The following ADCY2 variants were observed in gnomAD, a reference collection of about 807,000 sequenced individuals.
ADCY2 encodes adenylate cyclase type 2.
ADCY2 carries 31 observed loss-of-function variants against 125.2 expected under a neutral mutation model. The observed-to-expected ratio is 0.25, with a 90% CI of 0.19 to 0.33. The LOEUF is 0.33. Among genes scored for constraint, ADCY2 ranks in the 10% least tolerant of loss-of-function variants. The pLI is 1.00. For synonymous variants in ADCY2, 512 were observed against 548.4 expected, an observed-to-expected ratio of 0.93 and a Z score of 0.93; for missense variants, 904 against 1,418.2, an observed-to-expected ratio of 0.64 and a Z score of 5.82.
rs148976152 is a variant in ADCY2, at chr5:7,767,493, TC to T, written c.2214+689del. The stretch of plus-strand genomic sequence containing the variant: ...TAGTGCAGATTATGCTCGTTTAGTT[TC>T]CGTGTCAAATAATGGGTTTTGACAA... On this transcript the variant is annotated intron_variant, in intron 17 of 24. Coordinates refer to ENST00000338316, the MANE Select transcript of ADCY2 (RefSeq NM_020546.3). Among the ~76,000 whole-genome samples, 133 of 152,316 alleles carry T rather than the reference TC, an allele frequency of 8.7e-4. 1 individual carries two copies. In the East Asian group the frequency reaches 0.021, roughly 24 times the overall value.
At chr5:7,517,552 C>A (rs966267757) in intron 2 of ADCY2, among the ~76,000 whole-genome samples, 1 of 152,168 alleles carries the variant, frequency 6.6e-6, no homozygotes, top group Admixed American at 6.5e-5. Context: ...CCCTGTCCTG[C>A]CTGCCGAACA....
intron 3 of ADCY2, among the ~76,000 whole-genome samples, chr5:7,532,309 C>A (rs1734675606): frequency 6.6e-6 from 1 of 152,200 alleles, no homozygotes; most frequent in Non-Finnish European, 1.5e-5. Flanking sequence ...ATAGGATTTT[C>A]AGTGCATACA....
At chr5:7,421,827 G>A (rs1050559160) in intron 2 of ADCY2, among the ~76,000 whole-genome samples, 4 of 152,132 alleles carry the variant, frequency 2.6e-5, no homozygotes, top group African/African-American at 9.7e-5. Context: ...TTATCAGGTT[G>A]GTGCAAAAGT....
At chr5:7,506,843 A>G (rs1482760317) in intron 2 of ADCY2, among the ~76,000 whole-genome samples, 1 of 115,572 alleles carries the variant, frequency 8.7e-6, no homozygotes, top group African/African-American at 3.4e-5. Context: ...GCTGGAGTGC[A>G]GTGGCACAAT....
chr5:7,702,493 C>G (rs1046000257), intron 7 of ADCY2, among the ~76,000 whole-genome samples: 1 of 151,760 alleles, frequency 6.6e-6, no homozygotes, highest in African/African-American at 2.4e-5. Flanking sequence ...GTTTTTTGTC[C>G]TTGCGATAGT....
rs1396262868 is a variant in ADCY2, at chr5:7,690,678, C to A, written c.721-13C>A. ...CTGAGAGACATTTGTTCCTCCTTCC[C>A]CACCTTGTCCAGGAGCGGCTTCTGC... On this transcript the variant is annotated splice_polypyrimidine_tract_variant and intron_variant, in intron 4 of 24. Coordinates refer to ENST00000338316, the MANE Select transcript of ADCY2 (RefSeq NM_020546.3). 6.4e-7 allele frequency: 1 copy of A among 1,550,930 alleles called. No homozygotes were observed. Among genetic ancestry groups the A allele is most frequent in the Non-Finnish European group, 8.7e-7 (1 of 1,152,462 alleles).
intron 5 of ADCY2, among the ~76,000 whole-genome samples, chr5:7,693,167 G>A (rs1259458542): frequency 6.6e-6 from 1 of 152,064 alleles, no homozygotes; most frequent in African/African-American, 2.4e-5. Context: ...TATCTCCCAT[G>A]TCTGTCCACT....
intron 4 of ADCY2, among the ~76,000 whole-genome samples, chr5:7,657,624 A>T (rs965357239): frequency 1.3e-5 from 2 of 152,200 alleles, no homozygotes; most frequent in Non-Finnish European, 2.9e-5. Context: ...GCATAAACAA[A>T]GTACTTAATA....
rs138416855 is a variant in ADCY2 at position 7,675,115 on chromosome 5, G to A, written c.721-15576G>A. ...AGAGCTCGCAGTGAGCCGAGATAGC[G>A]CCACTGCAGTCCGGCCTGGGTGAAA... On this transcript the variant is annotated intron_variant, in intron 4 of 24. Coordinates refer to ENST00000338316, the MANE Select transcript of ADCY2 (RefSeq NM_020546.3). Among the ~76,000 whole-genome samples the A allele has an allele frequency of 4.7e-3, 715 of 150,750 alleles. 7 individuals are homozygous for A. The highest frequency in any genetic ancestry group is 0.017 in the African/African-American group (682 of 40,970).
intron 14 of ADCY2, among the ~76,000 whole-genome samples, chr5:7,734,805 G>T (rs956575044): frequency 1.3e-4 from 20 of 152,158 alleles, no homozygotes; most frequent in Admixed American, 5.9e-4. Context: ...TGTAGCTTAG[G>T]AGCAATAGAA....
intron 14 of ADCY2, among the ~76,000 whole-genome samples, chr5:7,741,469 G>A (rs1187210956): frequency 6.7e-6 from 1 of 148,224 alleles, no homozygotes; most frequent in Non-Finnish European, 1.5e-5. Flanking sequence ...GACACATAGT[G>A]AATACTCTAT....
chr5:7,546,130 G>A (rs568273867), intron 3 of ADCY2, among the ~76,000 whole-genome samples: 1 of 152,038 alleles, frequency 6.6e-6, no homozygotes, highest in African/African-American at 2.4e-5. Context: ...AAATGTTTTC[G>A]GAAAAGTACC....
At chr5:7,517,244 G>A (rs1370190675) in intron 2 of ADCY2, among the ~76,000 whole-genome samples, 1 of 152,132 alleles carries the variant, frequency 6.6e-6, no homozygotes, top group Non-Finnish European at 1.5e-5. Context: ...AGGATCACAG[G>A]AATGAGATCC....
At chr5:7,505,113 G>C (rs909355565) in intron 2 of ADCY2, among the ~76,000 whole-genome samples, 8 of 151,932 alleles carry the variant, frequency 5.3e-5, no homozygotes, top group Non-Finnish European at 1.0e-4. Flanking sequence ...CGAACTCCTG[G>C]GCTCAAGCAA....
In ADCY2 at chr5:7,523,156, A is replaced by C. The variant is rs996501449; in HGVS notation, c.570+2257A>C. Among the ~76,000 whole-genome samples, 15 of 152,338 alleles carry C rather than the reference A, an allele frequency of 9.8e-5. No individual in the cohort carries two copies. The South Asian group carries it at 1.5e-3, about 15-fold the overall frequency. ...ATAGGACAAAAAATATTTCAGAAGA[A>C]GAGGTTTTAATACCTGTCTGTAAGA... is the stretch of plus-strand genomic sequence containing the variant. On this transcript the variant is annotated intron_variant, in intron 3 of 24. Coordinates refer to ENST00000338316, the MANE Select transcript of ADCY2 (RefSeq NM_020546.3).
chr5:7,577,305 T>C (rs1736280704), intron 3 of ADCY2, among the ~76,000 whole-genome samples: 2 of 152,200 alleles, frequency 1.3e-5, no homozygotes, highest in Admixed American at 1.3e-4. Context: ...AGTAAGATAG[T>C]CTTAAAGCAT....
chr5:7,803,947 T>A (rs1026204360), intron 21 of ADCY2, among the ~76,000 whole-genome samples: 1 of 146,884 alleles, frequency 6.8e-6, no homozygotes, highest in African/African-American at 2.5e-5. Flanking sequence ...TGTATATATA[T>A]ACACACACAC....
At chr5:7,691,523 C>T (rs1384188435) in intron 5 of ADCY2, 1 of 152,006 alleles carries the variant, frequency 6.6e-6, no homozygotes, top group Non-Finnish European at 1.5e-5. Context: ...CCCATGAGCT[C>T]TAGAGAGAAA....
chr5:7,750,648 T>C (rs1407396683), intron 15 of ADCY2, among the ~76,000 whole-genome samples: 4 of 152,218 alleles, frequency 2.6e-5, no homozygotes, highest in Non-Finnish European at 5.9e-5. Context: ...TGATTATTTA[T>C]AATTTTTTCT....
Sources: allele counts gnomAD v4.1 joint callset (sites outside exome capture counted in the v4.1 genomes callset), GRCh38; gene constraint gnomAD v4.1.1; transcripts MANE v1.5; gene names NCBI Gene and HGNC (gene_info 2026-07-23, HGNC 2026-07-21).